The following XAB2 variants were observed in gnomAD, a reference collection of about 807,000 sequenced individuals.
XAB2 encodes pre-mRNA-splicing factor SYF1.
Under a neutral mutation model 113.4 loss-of-function variants are expected in XAB2, and 57 were observed. The observed-to-expected ratio is 0.50, with a 90% confidence interval of 0.41 to 0.63. The LOEUF (loss-of-function observed/expected upper bound fraction) is 0.63, where lower values mean the gene tolerates loss of function less well. Among genes scored for constraint, XAB2 ranks in the 20% least tolerant of loss-of-function variants. XAB2 has a pLI of 0.00. For synonymous variants in XAB2, 497 were observed against 498.8 expected, an observed-to-expected ratio of 1.00 and a Z score of 0.05; for missense variants, 1,037 against 1,233.3, an observed-to-expected ratio of 0.84 and a Z score of 2.38.
chr19:7,626,193 C>CA lies in XAB2; in HGVS notation c.599dup (p.Ala201GlyfsTer12). The CA allele has an allele frequency of 6.2e-7, 1 of 1,613,778 alleles. No individual in the cohort carries two copies. The highest frequency in any genetic ancestry group is 8.5e-7 in the Non-Finnish European group (1 of 1,180,030). On this transcript the variant is annotated frameshift_variant, in exon 5 of 19. Coordinates refer to ENST00000358368, the MANE Select transcript of XAB2 (RefSeq NM_020196.3). LOFTEE classifies it high-confidence loss of function. ...AACGCTCGTCGTTCACCACGGTGGC[C>CA]AGGCGCTGGGCGGCCTCATCCAGCC...
chr19:7,624,266 T>C lies in XAB2; in HGVS notation c.967+35A>G. On this transcript the variant is annotated intron_variant, in intron 7 of 18. Transcript: ENST00000358368. The surrounding 1 kb of genome is among the most constrained non-coding windows in gnomAD (Gnocchi z 4.2). ...CCCCTACCGCTAATGTCCACTCAGC[T>C]CTCTCCCCACCAGCCGGGGCCCCCA... 1 of 1,609,226 alleles carries C rather than the reference T, an allele frequency of 6.2e-7. No individual in the cohort carries two copies. The highest frequency in any genetic ancestry group is 8.5e-7 in the Non-Finnish European group (1 of 1,179,854).
At position 7,621,062 on chromosome 19, in the gene XAB2, G is replaced by A. The variant is rs1276602258; in HGVS notation, c.1781-26C>T. On this transcript the variant is annotated intron_variant, in intron 13 of 18. Coordinates refer to ENST00000358368, the MANE Select transcript of XAB2 (RefSeq NM_020196.3). ...CTGGGCGGGGTAGGCGGGGAGAGGG[G>A]AGCACGGTCAGCCGGGGCCAGTCAG... The A allele has an allele frequency of 5.2e-6, 8 of 1,540,580 alleles. No homozygotes were observed. The Admixed American group carries it at 5.8e-5, about 11-fold the overall frequency.
In XAB2 at chr19:7,625,386, CTGACG is replaced by C. The variant is rs892937334; in HGVS notation, c.822+489_822+493del. ...AACGCAAATGTGGCTGACTCCAAGG[CTGACG>C]TGCCTGCGGGCAGGAGTGCTCCCCC... On this transcript the variant is annotated intron_variant, in intron 6 of 18. Transcript: ENST00000358368. This position sits in a 1 kb window ranked among gnomAD's most constrained non-coding sequence, Gnocchi z 5.2. 2.0e-5 allele frequency among the ~76,000 whole-genome samples: 3 copies of C among 151,990 alleles called. No individual in the cohort carries two copies. Among genetic ancestry groups the C allele is most frequent in the African/African-American group, 7.2e-5 (3 of 41,388 alleles).
Position 7,619,571 on chromosome 19 carries a change from T to C in XAB2, c.*15A>G. 1 of 377,246 alleles carries C rather than the reference T, an allele frequency of 2.7e-6. No individual in the cohort carries two copies. The highest frequency in any genetic ancestry group is 3.8e-6 in the Non-Finnish European group (1 of 262,662). The allele number at this position is 377,246 out of a possible 1,614,324, so 23.4% of individuals were successfully genotyped here. A position where few individuals can be genotyped will look rare whatever the true frequency, so the allele number is the denominator to read the frequency against. ...TTGGGGAGGGGGTGGGGAGGGGGGA[T>C]GGGGGAGGGACGGGTCAGTCTTCCT... On this transcript the variant is annotated 3_prime_UTR_variant, in exon 19 of 19. Transcript: ENST00000358368.
Position 7,628,377 on chromosome 19 carries a change from A to G in XAB2, c.52-79T>C. ...CAGCACCATCCCACTGCTGGGGCTC[A>G]GGTCCAAACTCCGGACTTTTACCTA... On this transcript the variant is annotated intron_variant, in intron 1 of 18. Transcript: ENST00000358368. This position sits in a 1 kb window ranked among gnomAD's most constrained non-coding sequence, Gnocchi z 4.6. The G allele has an allele frequency of 6.3e-7, 1 of 1,576,762 alleles. No homozygotes were observed. Among genetic ancestry groups the G allele is most frequent in the Non-Finnish European group, 8.7e-7 (1 of 1,155,814 alleles).
Position 7,622,449 on chromosome 19 carries a change from AG to A in XAB2, c.1504-6del. 6.2e-7 allele frequency: 1 copy of A among 1,614,128 alleles called. No individual in the cohort carries two copies. The highest frequency in any genetic ancestry group is 1.3e-5 in the African/African-American group (1 of 75,042). On this transcript the variant is annotated splice_region_variant and splice_polypyrimidine_tract_variant and intron_variant, in intron 11 of 18. Coordinates refer to ENST00000358368, the MANE Select transcript of XAB2 (RefSeq NM_020196.3). ...GTCGTACACGGCCTTGGTGGACTGC[AG>A]GGGTGGGGATGGGAAAGGTTGGAGC...
chr19:7,621,357 G>A lies in XAB2; in HGVS notation c.1618-60C>T, dbSNP rs564140016. The A allele has an allele frequency of 5.7e-5, 90 of 1,584,796 alleles. No individual in the cohort carries two copies. The East Asian group carries it at 1.9e-3, about 34-fold the overall frequency. ...GCAGATAGAGACCACCAGGCACCCG[G>A]GATGTCCTTGGGTGGCGTCTGTAGG... is the stretch of plus-strand genomic sequence containing the variant. On this transcript the variant is annotated intron_variant, in intron 12 of 18. Transcript: ENST00000358368.
rs368785423 is a variant in XAB2 at position 7,625,632 on chromosome 19, C to T, written c.822+248G>A. Among the ~76,000 whole-genome samples the T allele has an allele frequency of 1.3e-5, 2 of 152,116 alleles. No homozygotes were observed. The highest frequency in any genetic ancestry group is 1.9e-4 in the East Asian group (1 of 5,188). ...TAGCTGGGATTACAGGCGCGCACCACCATGTCTGACTAATTTTTGTATTTT... is the reference window on the plus strand; with the variant it reads ...TAGCTGGGATTACAGGCGCGCACCATCATGTCTGACTAATTTTTGTATTTT... On this transcript the variant is annotated intron_variant, in intron 6 of 18. Coordinates refer to ENST00000358368, the MANE Select transcript of XAB2 (RefSeq NM_020196.3). The surrounding 1 kb of genome is among the most constrained non-coding windows in gnomAD (Gnocchi z 5.2).
chr19:7,621,618 C>G (rs934150079), intron 12 of XAB2: 1 of 394,786 alleles, frequency 2.5e-6, no homozygotes, highest in Non-Finnish European at 4.6e-6. Flanking sequence ...AAGGCCGCAC[C>G]CCCTGACAGA....
chr19:7,619,971 C>A lies in XAB2; in HGVS notation c.2371G>T (p.Ala791Ser). Residue 791 changes from alanine (A) to serine (S), a missense_variant, in exon 17 of 19, where the codon GCC (alanine) becomes TCC (serine). Physicochemically the swap from Ala to Ser is moderately conservative, Grantham distance 99. Transcript: ENST00000358368. The part of the protein sequence containing the change: ...AEAERDQPLR[A>S]QSKILFVRSD... ...CTCACGAACAGGATCTTGCTCTGGG[C>A]GCGCAAGGGCTGGTCACGCTCCGCC... The A allele has an allele frequency of 6.2e-7, 1 of 1,611,872 alleles. No individual in the cohort carries two copies. The highest frequency in any genetic ancestry group is 8.5e-7 in the Non-Finnish European group (1 of 1,179,946).
Position 7,620,058 on chromosome 19 carries a change from CA to C in XAB2, c.2283del (p.Gln763ArgfsTer7). On this transcript the variant is annotated frameshift_variant, in exon 17 of 19. Transcript: ENST00000358368. LOFTEE classifies it high-confidence loss of function. ...TTCATGTCGTCCATGCCACTCTGCC[CA>C]GGGGCCAGGTCAGACACTAGGGGGT... ...SATGTVSDLA[P>X]GQSGMDDMKL... is the part of the protein sequence containing the mutation. 6.2e-7 allele frequency: 1 copy of C among 1,611,984 alleles called. No individual in the cohort carries two copies. The highest frequency in any genetic ancestry group is 8.5e-7 in the Non-Finnish European group (1 of 1,179,964).
chr19:7,620,789 A>T, intron 14 of XAB2, 57 bp downstream of exon 14: 1 of 1,564,062 alleles, frequency 6.4e-7, no homozygotes, highest in Non-Finnish European at 8.7e-7. Context: ...ACCTGCCTGG[A>T]CCCCTTCCGT....
Position 7,622,889 on chromosome 19 carries a change from C to A in XAB2, c.1244G>T (p.Arg415Leu). The change falls in exon 10 of 19, where the codon CGT becomes CTT. Residue 415 changes from arginine to leucine, a missense_variant. By Grantham distance (102) the Arg-to-Leu change is moderately radical. Coordinates refer to ENST00000358368, the MANE Select transcript of XAB2 (RefSeq NM_020196.3). The part of the protein sequence containing the change: ...YEDNGQLDDA[R>L]VILEKATKVN... The stretch of plus-strand genomic sequence containing the variant: ...CTTGGTGGCCTTCTCCAGGATGACA[C>A]GGGCCTGCCGGGGCGGGCAGAGGCG... 6.2e-7 allele frequency: 1 copy of A among 1,613,264 alleles called. No homozygotes were observed. The highest frequency in any genetic ancestry group is 8.5e-7 in the Non-Finnish European group (1 of 1,179,762).
intron 12 of XAB2, 59 bp from the exon 13 acceptor site, chr19:7,621,356 G>T (rs547369613): frequency 3.2e-6 from 5 of 1,586,702 alleles, no homozygotes; most frequent in African/African-American, 1.3e-5. Context: ...CCAGGCACCC[G>T]GGATGTCCTT....
chr19:7,626,428 G>A (rs895012065), intron 4 of XAB2, among the ~76,000 whole-genome samples, 158 bp from the exon 5 acceptor site: 3 of 151,832 alleles, frequency 2.0e-5, no homozygotes, highest in South Asian at 2.1e-4. Flanking sequence ...GGTCCAGCCC[G>A]GTTCCTACTG....
chr19:7,620,102 G>A (rs779591205), intron 16 of XAB2, 27 bp from the exon 17 acceptor site: 23 of 1,605,778 alleles, frequency 1.4e-5, no homozygotes, highest in South Asian at 5.5e-5. Context: ...GGGGGTCAGC[G>A]CCACGGGGGC....
At position 7,625,443 on chromosome 19, in the gene XAB2, C is replaced by T. The variant is rs2146187942; in HGVS notation, c.822+437G>A. Among the ~76,000 whole-genome samples, 1 of 150,268 alleles carries T rather than the reference C, an allele frequency of 6.7e-6. No individual in the cohort carries two copies. The highest frequency in any genetic ancestry group is 2.0e-4 in the East Asian group (1 of 5,100). On this transcript the variant is annotated intron_variant, in intron 6 of 18. Transcript: ENST00000358368. The surrounding 1 kb of genome is among the most constrained non-coding windows in gnomAD (Gnocchi z 5.2). ...CCCTCAGCAGGATAGTAATCGTGTGCAGGGATATGCATGTCTGTCAAAAAT... is the reference window on the plus strand; with the variant it reads ...CCCTCAGCAGGATAGTAATCGTGTGTAGGGATATGCATGTCTGTCAAAAAT...
Position 7,621,250 on chromosome 19 carries a change from G to A in XAB2, c.1665C>T (p.Asp555=). Residue 555 remains aspartate (D), a synonymous_variant, in exon 13 of 19, where the codon GAC becomes GAT. Transcript: ENST00000358368. ...ISLFKWPNVS[D]IWSTYLTKFI... ...ATTTGGTCAGGTAGGTGCTCCAGATGTCGGACACGTTGGGCCACTTGAACA... is the reference window on the plus strand; with the variant it reads ...ATTTGGTCAGGTAGGTGCTCCAGATATCGGACACGTTGGGCCACTTGAACA... The A allele has an allele frequency of 1.9e-6, 3 of 1,613,144 alleles. No homozygotes were observed. Among genetic ancestry groups the A allele is most frequent in the South Asian group, 1.1e-5 (1 of 91,090 alleles).
In XAB2 at chr19:7,624,489, G is replaced by C; in HGVS notation, c.823-44C>G. 1.9e-6 allele frequency: 3 copies of C among 1,612,204 alleles called. No individual in the cohort carries two copies. The highest frequency in any genetic ancestry group is 1.7e-6 in the Non-Finnish European group (2 of 1,179,814). ...GGGGAGGTGAGAGGAAAGTGGCGCA[G>C]GGGACAGGCAGCAGCACTCTTAGCA... On this transcript the variant is annotated intron_variant, in intron 6 of 18. Transcript: ENST00000358368. The surrounding 1 kb of genome is among the most constrained non-coding windows in gnomAD (Gnocchi z 4.2).
Sources: gnomAD v4.1 joint callset for allele counts (sites outside exome capture counted in the v4.1 genomes callset) on GRCh38, gnomAD v4.1.1 for gene constraint, Gnocchi (gnomAD v3.1) non-coding constraint, MANE v1.5 for transcripts, NCBI Gene and HGNC (gene_info 2026-07-23, HGNC 2026-07-21) for gene names.